Variants in DAB1 observed in about 807,000 individuals in gnomAD.
The protein encoded by DAB1 is disabled homolog 1.
Under a neutral mutation model 64.6 loss-of-function variants are expected in DAB1, and 15 were observed. The ratio of observed to expected loss-of-function variants is 0.23; its 90% CI spans 0.16 to 0.36. The LOEUF is 0.36. Among genes scored for constraint, DAB1 ranks in the 10% least tolerant of loss-of-function variants. DAB1 has a pLI of 1.00. For missense variants in DAB1, 596 were observed against 706.7 expected (o/e 0.84, Z 1.78); for synonymous variants, 235 against 251.9 (o/e 0.93, Z 0.64).
chr1:57,303,297 A>G (rs1055348510), intron 1 of DAB1, among the ~76,000 whole-genome samples: 3 of 152,094 alleles, frequency 2.0e-5, no homozygotes, highest in African/African-American at 7.2e-5. Flanking sequence ...GCCTGTGAAC[A>G]TGTTGTCCGT....
At chr1:57,309,099 G>C (rs1425292956) in intron 1 of DAB1, among the ~76,000 whole-genome samples, 1 of 152,184 alleles carries the variant, frequency 6.6e-6, no homozygotes, top group Non-Finnish European at 1.5e-5. Context: ...TATTTTATGT[G>C]TGGTCCAAGG....
chr1:58,205,513 G>T lies in DAB1; in HGVS notation n.310-54925C>A, dbSNP rs139714294. 3.7e-3 allele frequency among the ~76,000 whole-genome samples: 565 copies of T among 152,226 alleles called. 8 individuals are homozygous for T. The highest frequency in any genetic ancestry group is 0.013 in the African/African-American group (538 of 41,538). On this transcript the variant is annotated intron_variant and non_coding_transcript_variant, in intron 4 of 20. Coordinates refer to the DAB1 transcript ENST00000485760. ...CACCCATGGCCCCTCAAGGCCCTGA[G>T]AACCTGTTTGTGATAGTTAAATATA...
intron 5 of DAB1, among the ~76,000 whole-genome samples, chr1:57,926,320 A>T (rs1202761): frequency 0.16 from 23,863 of 152,148 alleles, 2,719 homozygotes; most frequent in African/African-American, 0.32. Context: ...GTTCCCTTTC[A>T]TTTGTAACAG....
intron 6 of DAB1, among the ~76,000 whole-genome samples, chr1:57,798,868 G>A (rs146815795): frequency 1.6e-3 from 239 of 152,292 alleles, no homozygotes; most frequent in Non-Finnish European, 2.0e-3. Context: ...ATTTAACTTT[G>A]GGGGAAGGTA....
At chr1:57,989,016 C>T (rs962585803) in intron 5 of DAB1, among the ~76,000 whole-genome samples, 5 of 152,122 alleles carry the variant, frequency 3.3e-5, no homozygotes, top group African/African-American at 1.2e-4. Context: ...AAGTCTACAG[C>T]CCTCCCCTCT....
intron 5 of DAB1, among the ~76,000 whole-genome samples, chr1:57,946,891 A>G (rs1476089873): frequency 1.3e-5 from 2 of 152,240 alleles, no homozygotes; most frequent in Non-Finnish European, 2.9e-5. Flanking sequence ...ACACATGCCT[A>G]GCCGTGTTCA....
intron 1 of DAB1, among the ~76,000 whole-genome samples, chr1:57,343,768 C>G (rs544136272): frequency 6.6e-6 from 1 of 152,200 alleles, no homozygotes; most frequent in Non-Finnish European, 1.5e-5. Context: ...TGTGCAGCCC[C>G]GGTTCCCACC....
chr1:58,495,611 G>C (rs1318109880), intron 3 of DAB1, among the ~76,000 whole-genome samples: 1 of 151,648 alleles, frequency 6.6e-6, no homozygotes, highest in Admixed American at 6.6e-5. Flanking sequence ...ATTCCTGATT[G>C]TCAGTAGATT....
At chr1:58,017,025 T>C (rs1185782088) in intron 5 of DAB1, among the ~76,000 whole-genome samples, 1 of 152,066 alleles carries the variant, frequency 6.6e-6, no homozygotes, top group Non-Finnish European at 1.5e-5. Context: ...AAAAGTTGAA[T>C]CTCTTGCCCA....
chr1:58,295,128 T>C (rs1445330154), intron 4 of DAB1, among the ~76,000 whole-genome samples: 1 of 152,072 alleles, frequency 6.6e-6, no homozygotes, highest in African/African-American at 2.4e-5. Flanking sequence ...AGATTTGGTA[T>C]TGTGATTTTC....
In DAB1 at chr1:58,059,254, G is replaced by A. The variant is rs772336024; in HGVS notation, n.387+91257C>T. Among the ~76,000 whole-genome samples the A allele has an allele frequency of 2.1e-4, 32 of 152,328 alleles. 1 individual carries two copies. The highest frequency in any genetic ancestry group is 2.2e-4 in the Non-Finnish European group (15 of 68,030). On this transcript the variant is annotated intron_variant and non_coding_transcript_variant, in intron 5 of 20. Coordinates refer to the DAB1 transcript ENST00000485760. ...GCATGGGCTCTCAGCCAGGCAGCCT[G>A]AGTTGAATCCATCTCTGCTATACTC...
chr1:57,718,371 T>C (rs1286940580), intron 6 of DAB1, among the ~76,000 whole-genome samples: 2 of 152,096 alleles, frequency 1.3e-5, no homozygotes, highest in Non-Finnish European at 2.9e-5. Flanking sequence ...GGGATAAAGA[T>C]GGATGATGTG....
chr1:57,741,968 T>C (rs1648015688), intron 6 of DAB1, among the ~76,000 whole-genome samples: 1 of 152,188 alleles, frequency 6.6e-6, no homozygotes, highest in Admixed American at 6.5e-5. Flanking sequence ...ATGTATTGGA[T>C]CTCCACAGGA....
intron 1 of DAB1, among the ~76,000 whole-genome samples, chr1:57,313,699 G>A (rs755922024): frequency 6.6e-5 from 10 of 152,160 alleles, no homozygotes; most frequent in East Asian, 3.9e-4. Context: ...ATTATATTAC[G>A]TTTATTATTC....
At chr1:57,866,689 A>AGAGCTCTTATGAGCTCTTAT (rs1654316303) in intron 1 of DAB1, among the ~76,000 whole-genome samples, 1 of 152,192 alleles carries the variant, frequency 6.6e-6, no homozygotes, top group Non-Finnish European at 1.5e-5. Context: ...AGGGCAGCAC[A>AGAGCTCTTATGAGCTCTTAT]GTGTCTGCAC....
At chr1:57,795,651 T>C (rs1650809551) in intron 6 of DAB1, among the ~76,000 whole-genome samples, 1 of 141,792 alleles carries the variant, frequency 7.1e-6, no homozygotes, top group Middle Eastern at 3.9e-3. Context: ...ATTTTACTTA[T>C]ACTCTTCAAA....
intron 5 of DAB1, among the ~76,000 whole-genome samples, chr1:58,077,246 G>A (rs1408174647): frequency 6.6e-6 from 1 of 152,168 alleles, no homozygotes; most frequent in Non-Finnish European, 1.5e-5. Context: ...AGGAGGAAAG[G>A]CTAAGTGATT....
chr1:58,543,515 C>T (rs977677191), intron 1 of DAB1, among the ~76,000 whole-genome samples: 4 of 152,132 alleles, frequency 2.6e-5, no homozygotes, highest in Non-Finnish European at 5.9e-5. Context: ...TCACTACCCA[C>T]CTAATCTCCC....
chr1:58,198,581 A>G (rs937170541), intron 4 of DAB1, among the ~76,000 whole-genome samples: 1 of 152,158 alleles, frequency 6.6e-6, no homozygotes, highest in African/African-American at 2.4e-5. Flanking sequence ...TCCTCTCGTA[A>G]CCAACCTCTT....
Sources: gnomAD v4.1 joint callset for allele counts (sites outside exome capture counted in the v4.1 genomes callset) on GRCh38, gnomAD v4.1.1 for gene constraint, MANE v1.5 for transcripts, NCBI Gene and HGNC (gene_info 2026-07-23, HGNC 2026-07-21) for gene names.